Variants in CLCNKB observed in about 807,000 individuals in gnomAD.
CLCNKB encodes chloride channel protein ClC-Kb.
In CLCNKB, 74 loss-of-function variants were observed where a neutral mutation model predicts 83.8. The observed-to-expected ratio is 0.88, with a 90% CI of 0.73 to 1.07. The LOEUF (loss-of-function observed/expected upper bound fraction) is 1.07, where lower values mean the gene tolerates loss of function less well. Ranked by LOEUF, CLCNKB falls within the 50% of genes least tolerant of loss-of-function variation. The pLI is 0.00. For synonymous variants in CLCNKB, 358 were observed against 356.6 expected (o/e 1.00, Z -0.04); for missense variants, 798 against 893.6 (o/e 0.89, Z 1.36).
At position 16,055,522 on chromosome 1, in the gene CLCNKB, A is replaced by G. The variant is rs2023409361; in HGVS notation, c.1844A>G (p.Gln615Arg). Reference sequence around the variant, plus strand: ...CCTCCTTCCTGGGCTCCTGGACACCAGGTGGGTACTCCTGAGGGGCATGGG... The same window carrying G: ...CCTCCTTCCTGGGCTCCTGGACACCGGGTGGGTACTCCTGAGGGGCATGGG... ...AEPPSWAPGH[Q>R]QCLQDILAAG... Residue 615 changes from glutamine (Q) to arginine (R), a missense_variant and splice_region_variant, in exon 17 of 20, where the codon CAG (glutamine) becomes CGG (arginine). By Grantham distance (43) the Gln-to-Arg change is conservative. Coordinates refer to ENST00000375679, the MANE Select transcript of CLCNKB (RefSeq NM_000085.5). The G allele has an allele frequency of 1.0e-6, 1 of 968,444 alleles. No homozygotes were observed. Among genetic ancestry groups the G allele is most frequent in the Non-Finnish European group, 1.5e-6 (1 of 653,762 alleles). 60.0% of individuals were successfully genotyped at this position (968,444 alleles called of 1,614,324 possible).
intron 2 of CLCNKB, 36 bp from the exon 3 acceptor site, chr1:16,045,522 C>T: frequency 6.2e-7 from 1 of 1,609,774 alleles, no homozygotes; most frequent in Non-Finnish European, 8.5e-7. Context: ...GTGCCTCCTG[C>T]CCCACCCTGT....
Position 16,052,216 on chromosome 1 carries a change from G to C in CLCNKB, c.1427G>C (p.Gly476Ala), listed in dbSNP as rs2023315839. 1.9e-6 allele frequency: 3 copies of C among 1,613,146 alleles called. No individual in the cohort carries two copies. Among genetic ancestry groups the C allele is most frequent in the Non-Finnish European group, 1.7e-6 (2 of 1,179,992 alleles). Reference protein sequence around the residue: ...YALAGAAAFSGAVTHTISTAL... With the variant: ...YALAGAAAFSAAVTHTISTAL... Reference sequence around the variant, plus strand: ...CTTGCAGGGGCTGCAGCCTTCTCAGGGGCTGTGACCCACACCATCTCCACG... The same window carrying C: ...CTTGCAGGGGCTGCAGCCTTCTCAGCGGCTGTGACCCACACCATCTCCACG... The change falls in exon 15 of 20, where the codon GGG becomes GCG. Residue 476 changes from glycine (G) to alanine (A), a missense_variant. Gly to Ala is a moderately conservative substitution (Grantham distance 60, BLOSUM62 0). Coordinates refer to ENST00000375679, the MANE Select transcript of CLCNKB (RefSeq NM_000085.5).
intron 3 of CLCNKB, 92 bp downstream of exon 3, chr1:16,045,778 T>TGG: frequency 4.2e-6 from 3 of 710,340 alleles, no homozygotes; most frequent in Non-Finnish European, 6.7e-6. Context: ...GCAGCGGAGG[T>TGG]TGGGGGGGGT....
At chr1:16,053,542 G>T (rs2023355681) in intron 15 of CLCNKB, 97 bp from the exon 16 acceptor site, 1 of 1,575,926 alleles carries the variant, frequency 6.3e-7, no homozygotes, top group South Asian at 1.1e-5. Context: ...CAGAGCCGTG[G>T]GTCCCCGGTT....
chr1:16,051,168 C>G, intron 12 of CLCNKB, 120 bp downstream of exon 12: 6 of 1,458,864 alleles, frequency 4.1e-6, no homozygotes, highest in Non-Finnish European at 9.4e-7. Flanking sequence ...TCCTGATGTG[C>G]CCCCTGCCCA....
chr1:16,053,100 A>C (rs967056114), intron 15 of CLCNKB, among the ~76,000 whole-genome samples: 1 of 151,578 alleles, frequency 6.6e-6, no homozygotes, highest in African/African-American at 2.4e-5. Context: ...GCACAATCTC[A>C]GTCACTGCAA....
chr1:16,055,539 G>A lies in CLCNKB; in HGVS notation c.1845+16G>A. 3 of 1,592,314 alleles carry A rather than the reference G, an allele frequency of 1.9e-6. No homozygotes were observed. Among genetic ancestry groups the A allele is most frequent in the Non-Finnish European group, 2.6e-6 (3 of 1,162,748 alleles). ...TGGACACCAGGTGGGTACTCCTGAGGGGCATGGGGATGGGGCGGGGGTGGG... is the reference window on the plus strand; with the variant it reads ...TGGACACCAGGTGGGTACTCCTGAGAGGCATGGGGATGGGGCGGGGGTGGG... On this transcript the variant is annotated intron_variant, in intron 17 of 19. Transcript: ENST00000375679.
At chr1:16,053,585 C>T (rs1223872415) in intron 15 of CLCNKB, 54 bp from the exon 16 acceptor site, 1 of 1,613,036 alleles carries the variant, frequency 6.2e-7, no homozygotes, top group African/African-American at 1.3e-5. Context: ...CCCCTGCCAG[C>T]CTGGGTCTCA....
At chr1:16,046,005 C>T (rs755887064) in intron 3 of CLCNKB, among the ~76,000 whole-genome samples, 7 of 152,238 alleles carry the variant, frequency 4.6e-5, no homozygotes, top group Non-Finnish European at 1.0e-4. Context: ...AGAGTGGGGG[C>T]ACTTCCCTAT....
intron 11 of CLCNKB, 62 bp downstream of exon 11, chr1:16,050,662 G>T: frequency 3.2e-6 from 5 of 1,553,966 alleles, no homozygotes; most frequent in Non-Finnish European, 4.4e-6. Flanking sequence ...TCCTTTGCGT[G>T]TATCTCACTT....
chr1:16,050,534 T>C lies in CLCNKB; in HGVS notation c.987T>C (p.Ala329=). ...CCCACAGCAAGCCTGTGTACTCCGC[T>C]CTGGCCACCTTGGTTCTCGCCTCCA... is the stretch of plus-strand genomic sequence containing the variant. ...LLATSKPVYS[A]LATLVLASIT... is the part of the protein sequence containing the mutation. Residue 329 remains alanine (A), a synonymous_variant, in exon 11 of 20, where the codon GCT becomes GCC. Transcript: ENST00000375679. 1 of 1,613,996 alleles carries C rather than the reference T, an allele frequency of 6.2e-7. No homozygotes were observed. Among genetic ancestry groups the C allele is most frequent in the Non-Finnish European group, 8.5e-7 (1 of 1,179,978 alleles).
At chr1:16,046,750 A>C in intron 4 of CLCNKB, 87 bp downstream of exon 4, 1 of 1,522,966 alleles carries the variant, frequency 6.6e-7, no homozygotes, top group Non-Finnish European at 9.0e-7. Context: ...GCCTCATTTC[A>C]CAGACAAAGG....
rs1167698353 is a variant in CLCNKB, at chr1:16,044,532, A to G, written c.40A>G (p.Asn14Asp). 17 of 1,607,088 alleles carry G rather than the reference A, an allele frequency of 1.1e-5. No individual in the cohort carries two copies. The highest frequency in any genetic ancestry group is 3.4e-5 in the Admixed American group (2 of 58,792). The change falls in exon 2 of 20, where the codon AAC (asparagine) becomes GAC (aspartate). Residue 14 changes from asparagine to aspartate, a missense_variant. Transcript: ENST00000375679. ...FVGLREGSSG[N>D]PVTLQELWGP... is the part of the protein sequence containing the mutation. ...GGGGCTGCGTGAAGGCTCCTCAGGG[A>G]ACCCTGTGACTCTGCAGGAGCTGTG...
rs561674468 is a variant in CLCNKB, at chr1:16,052,410, G to C, written c.1621G>C (p.Gly541Arg). ...GCCACGGATTCTGGGCCGCAACATC[G>C]GGTGAGTGGTGCCCACCTCAGGCTG... is the stretch of plus-strand genomic sequence containing the variant. ...YLPRILGRNI[G>R]SHRVRVEHFM... The change falls in exon 15 of 20, where the codon GGT (glycine) becomes CGT (arginine). Residue 541 changes from glycine (G) to arginine (R), a missense_variant and splice_region_variant. Gly to Arg is a moderately radical substitution (Grantham distance 125). Coordinates refer to ENST00000375679, the MANE Select transcript of CLCNKB (RefSeq NM_000085.5). 1.9e-6 allele frequency: 3 copies of C among 1,613,264 alleles called. No homozygotes were observed. The highest frequency in any genetic ancestry group is 2.7e-5 in the African/African-American group (2 of 74,816).
At chr1:16,053,411 G>A (rs998941266) in intron 15 of CLCNKB, among the ~76,000 whole-genome samples, 2 of 152,108 alleles carry the variant, frequency 1.3e-5, no homozygotes, top group African/African-American at 2.4e-5. Flanking sequence ...TGGGGGACAC[G>A]GGGGTCCAGG....
At position 16,045,437 on chromosome 1, in the gene CLCNKB, A is replaced by C. The variant is rs6604909; in HGVS notation, c.101-121A>C. 1,137,070 of 1,240,338 alleles carry C rather than the reference A, an allele frequency of 0.92. 527,006 individuals are homozygous for C. Among genetic ancestry groups the C allele is most frequent in the East Asian group, 1 (39,492 of 39,508 alleles). The allele number at this position is 1,240,338 out of a possible 1,614,324, so 76.8% of individuals were successfully genotyped here. A position where few individuals can be genotyped will look rare whatever the true frequency, so the allele number is the denominator to read the frequency against. On this transcript the variant is annotated intron_variant, in intron 2 of 19. Coordinates refer to ENST00000375679, the MANE Select transcript of CLCNKB (RefSeq NM_000085.5). Reference sequence around the variant, plus strand: ...GGCCCCCTCGGGACTACCCCAGAGTATACCACCAAGCTCCATCCCCCTGCC... The same window carrying C: ...GGCCCCCTCGGGACTACCCCAGAGTCTACCACCAAGCTCCATCCCCCTGCC...
At chr1:16,045,922 T>A (rs184859156) in intron 3 of CLCNKB, among the ~76,000 whole-genome samples, 1 of 152,284 alleles carries the variant, frequency 6.6e-6, no homozygotes, top group East Asian at 1.9e-4. Context: ...CAAGAGCTCT[T>A]CCTCCTCTGA....
At chr1:16,052,600 G>A (rs192196340) in intron 15 of CLCNKB, among the ~76,000 whole-genome samples, 189 bp downstream of exon 15, 1 of 152,204 alleles carries the variant, frequency 6.6e-6, no homozygotes, top group African/African-American at 2.4e-5. Flanking sequence ...TGGCCTTGAG[G>A]CCTCAGTGTC....
At chr1:16,048,072 C>T (rs2023155749) in intron 5 of CLCNKB, 28 bp downstream of exon 5, 1 of 1,602,476 alleles carries the variant, frequency 6.2e-7, no homozygotes, top group Admixed American at 1.7e-5. Flanking sequence ...GGCATCCCAA[C>T]CACCCTACCC....
Sources: allele counts gnomAD v4.1 joint callset (sites outside exome capture counted in the v4.1 genomes callset), GRCh38; gene constraint gnomAD v4.1.1; transcripts MANE v1.5; gene names NCBI Gene and HGNC (gene_info 2026-07-23, HGNC 2026-07-21).